The following MGMT variants were observed in gnomAD, a reference collection of about 807,000 sequenced individuals.
The protein encoded by MGMT is O-6-methylguanine-DNA methyltransferase.
In MGMT, 14 loss-of-function variants were observed where a neutral mutation model predicts 15.9. That is an observed-to-expected ratio of 0.88 (90% confidence interval 0.58 to 1.37). The LOEUF (loss-of-function observed/expected upper bound fraction) is 1.37, where lower values mean the gene tolerates loss of function less well. MGMT is among the 40% of genes most tolerant of loss of function. The pLI, the probability that MGMT is intolerant of heterozygous loss-of-function variation, is 0.00. For missense variants in MGMT, 282 were observed against 268.1 expected (o/e 1.05, Z -0.36); for synonymous variants, 130 against 118.2 (o/e 1.10, Z -0.65).
chr10:129,619,432 C>T (rs900241603), intron 2 of MGMT, among the ~76,000 whole-genome samples: 1 of 152,000 alleles, frequency 6.6e-6, no homozygotes, highest in Non-Finnish European at 1.5e-5. Flanking sequence ...TAATATTTTA[C>T]GAATTACGGG....
intron 1 of MGMT, among the ~76,000 whole-genome samples, chr10:129,491,982 CAT>C (rs1470422884): frequency 6.6e-6 from 1 of 151,914 alleles, no homozygotes; most frequent in Non-Finnish European, 1.5e-5. Flanking sequence ...TTATTAAATA[CAT>C]GTTTTTGCTT....
chr10:129,768,616 T>C lies in MGMT; in HGVS notation c.*1619T>C, dbSNP rs1312862867. 1.3e-5 allele frequency among the ~76,000 whole-genome samples: 2 copies of C among 152,240 alleles called. No homozygotes were observed. Among genetic ancestry groups the C allele is most frequent in the Non-Finnish European group, 2.9e-5 (2 of 68,032 alleles). On this transcript the variant is annotated 3_prime_UTR_variant, in exon 5 of 5. Transcript: ENST00000651593. ...GTGATGGCCGGTCACCAGGCACGGC[T>C]TTCCCCTCTGCATGAACAGAACAGA...
At chr10:129,649,679 A>G (rs1159903830) in intron 2 of MGMT, among the ~76,000 whole-genome samples, 1 of 152,252 alleles carries the variant, frequency 6.6e-6, no homozygotes, top group Admixed American at 6.5e-5. Flanking sequence ...TACAGGGCCC[A>G]AAGTTATAAA....
chr10:129,672,153 A>G (rs1357342424), intron 2 of MGMT, among the ~76,000 whole-genome samples: 8 of 152,110 alleles, frequency 5.3e-5, no homozygotes, highest in Admixed American at 5.2e-4. Context: ...AAATGTCTTA[A>G]TTGTATCTGT....
chr10:129,654,422 A>C (rs140439166), intron 2 of MGMT, among the ~76,000 whole-genome samples: 4 of 152,268 alleles, frequency 2.6e-5, no homozygotes, highest in African/African-American at 9.6e-5. Context: ...GAAGGTGCTC[A>C]TATTTTACCT....
chr10:129,515,860 C>G (rs1212492325), intron 1 of MGMT, among the ~76,000 whole-genome samples: 1 of 152,210 alleles, frequency 6.6e-6, no homozygotes, highest in African/African-American at 2.4e-5. Flanking sequence ...ATGTCTCTGC[C>G]TGCTACTGAG....
At chr10:129,555,629 C>T (rs528296429) in intron 2 of MGMT, among the ~76,000 whole-genome samples, 30 of 152,078 alleles carry the variant, frequency 2.0e-4, no homozygotes, top group African/African-American at 5.1e-4. Context: ...GCGGGAGGAC[C>T]GCTTGAGCCC....
chr10:129,743,153 C>T (rs945970995), intron 3 of MGMT, among the ~76,000 whole-genome samples: 2 of 152,108 alleles, frequency 1.3e-5, no homozygotes, highest in African/African-American at 4.8e-5. Context: ...TCTGGAATAC[C>T]CGCTTTATCT....
chr10:129,572,916 C>T (rs1846436924), intron 2 of MGMT, among the ~76,000 whole-genome samples: 1 of 152,058 alleles, frequency 6.6e-6, no homozygotes, highest in South Asian at 2.1e-4. Context: ...GTTTGGTTTG[C>T]TTTGGTCCTT....
In MGMT at chr10:129,502,859, C is replaced by T. The variant is rs554182326; in HGVS notation, c.-12-33382C>T. Among the ~76,000 whole-genome samples, 5 of 152,236 alleles carry T rather than the reference C, an allele frequency of 3.3e-5. No homozygotes were observed. In the East Asian group the frequency reaches 5.8e-4, roughly 18 times the overall value. ...AGATGTCGAGACAAACAAGCCTTAG[C>T]GAGGCAGCTGTTAAAAGCAGCCGGA... On this transcript the variant is annotated intron_variant, in intron 1 of 4. Coordinates refer to ENST00000651593, the MANE Select transcript of MGMT (RefSeq NM_002412.5).
chr10:129,547,984 T>C (rs1482791800), intron 2 of MGMT, among the ~76,000 whole-genome samples: 2 of 152,210 alleles, frequency 1.3e-5, no homozygotes, highest in African/African-American at 4.8e-5. Context: ...TGGCACAAGG[T>C]CGCCAGGCAA....
intron 2 of MGMT, among the ~76,000 whole-genome samples, chr10:129,576,907 C>T (rs1431984122): frequency 6.6e-6 from 1 of 152,042 alleles, no homozygotes; most frequent in East Asian, 1.9e-4. Context: ...CAAACAAGAG[C>T]CAAATCATGA....
At chr10:129,503,183 A>T (rs1482013421) in intron 1 of MGMT, among the ~76,000 whole-genome samples, 1 of 151,796 alleles carries the variant, frequency 6.6e-6, no homozygotes, top group Admixed American at 6.6e-5. Context: ...AGAATGATGG[A>T]TGATGCAGGA....
intron 4 of MGMT, among the ~76,000 whole-genome samples, chr10:129,763,146 G>A (rs1393166459): frequency 6.6e-6 from 1 of 152,114 alleles, no homozygotes; most frequent in African/African-American, 2.4e-5. Flanking sequence ...ATGGATTCAC[G>A]TATTGGATGA....
intron 2 of MGMT, among the ~76,000 whole-genome samples, chr10:129,596,823 C>T (rs1246832068): frequency 2.0e-5 from 3 of 152,144 alleles, no homozygotes; most frequent in Admixed American, 6.5e-5. Context: ...GAGTCTTATC[C>T]GCCACAGCCC....
chr10:129,560,846 A>AT (rs1211493519), intron 2 of MGMT, among the ~76,000 whole-genome samples: 1 of 152,138 alleles, frequency 6.6e-6, no homozygotes, highest in African/African-American at 2.4e-5. Flanking sequence ...CTGCTATGGA[A>AT]TTTCATTGAA....
At chr10:129,630,002 C>G (rs188706288) in intron 2 of MGMT, among the ~76,000 whole-genome samples, 4 of 152,342 alleles carry the variant, frequency 2.6e-5, no homozygotes, top group Non-Finnish European at 4.4e-5. Context: ...CGGATCTGCC[C>G]GTGGAGTGAT....
At chr10:129,720,350 G>A (rs1267262126) in intron 3 of MGMT, among the ~76,000 whole-genome samples, 1 of 152,212 alleles carries the variant, frequency 6.6e-6, no homozygotes, top group East Asian at 1.9e-4. Context: ...CATGATTGGA[G>A]TGGGGTCACT....
intron 2 of MGMT, among the ~76,000 whole-genome samples, chr10:129,677,789 G>A (rs922427001): frequency 7.9e-5 from 12 of 152,190 alleles, no homozygotes; most frequent in Non-Finnish European, 1.0e-4. Flanking sequence ...GGGGGCGAAG[G>A]AACAGGTCAC....
Sources: allele counts gnomAD v4.1 joint callset (sites outside exome capture counted in the v4.1 genomes callset), GRCh38; gene constraint gnomAD v4.1.1; transcripts MANE v1.5; gene names NCBI Gene and HGNC (gene_info 2026-07-23, HGNC 2026-07-21).